Variants in HPS4 observed in about 807,000 individuals in gnomAD.
HPS4 encodes BLOC-3 complex member HPS4.
A neutral mutation model predicts 70.3 loss-of-function variants in HPS4; 44 were observed. The observed-to-expected ratio is 0.63, with a 90% CI of 0.49 to 0.80. The LOEUF (loss-of-function observed/expected upper bound fraction) is 0.80. Ranked by LOEUF, HPS4 falls within the 30% of genes least tolerant of loss-of-function variation. HPS4 has a pLI of 0.00. For synonymous variants in HPS4, 377 were observed against 355.9 expected (o/e 1.06, Z -0.67); for missense variants, 873 against 884.4 (o/e 0.99, Z 0.16).
chr22:26,471,529 T>C lies in HPS4; in HGVS notation c.502-716A>G, dbSNP rs1248358530. 6 of 389,458 alleles carry C rather than the reference T, an allele frequency of 1.5e-5. No homozygotes were observed. The East Asian group carries it at 4.3e-4, about 28-fold the overall frequency. 24.1% of individuals were successfully genotyped at this position (389,458 alleles called of 1,614,324 possible). On this transcript the variant is annotated intron_variant, in intron 6 of 13. Coordinates refer to ENST00000398145, the MANE Select transcript of HPS4 (RefSeq NM_022081.6). ...CTAGTGTTAATGGAGCCTCCGGAGCTGCTGACACATTAAGAAGTTTATTCT... is the reference window on the plus strand; with the variant it reads ...CTAGTGTTAATGGAGCCTCCGGAGCCGCTGACACATTAAGAAGTTTATTCT...
At chr22:26,443,460 T>C (rs146843278), downstream of HPS4, 81 of 435,088 alleles carry the variant, frequency 1.9e-4, no homozygotes, top group East Asian at 3.1e-3. Flanking sequence ...CTTTCTGGCC[T>C]AACAGCGCAT....
Position 26,458,584 on chromosome 22 carries a change from A to G in HPS4, c.1714-7T>C. 6.2e-7 allele frequency: 1 copy of G among 1,613,868 alleles called. No individual in the cohort carries two copies. Among genetic ancestry groups the G allele is most frequent in the Admixed American group, 1.7e-5 (1 of 60,004 alleles). ...AAGCCAGGCTGCTGTGGTACTGCAA[A>G]GGGGGAGAGGGTCATGGGCTTGTAG... On this transcript the variant is annotated splice_region_variant and splice_polypyrimidine_tract_variant and intron_variant, in intron 11 of 13. Coordinates refer to ENST00000398145, the MANE Select transcript of HPS4 (RefSeq NM_022081.6).
chr22:26,453,519 G>A, intron 13 of HPS4, 115 bp from the exon 14 acceptor site: 2 of 1,080,976 alleles, frequency 1.9e-6, no homozygotes, highest in Non-Finnish European at 2.8e-6. Flanking sequence ...AATGTGGCAT[G>A]TGCAGCTGTC....
intron 7 of HPS4, among the ~76,000 whole-genome samples, chr22:26,469,498 T>C (rs2089400897): frequency 1.3e-5 from 2 of 151,628 alleles, no homozygotes; most frequent in South Asian, 2.1e-4. Context: ...TTTTAAATTG[T>C]GCTCTGTGTG....
At chr22:26,482,296 C>T (rs1448582903) in intron 1 of HPS4, 56 bp from the exon 2 acceptor site, 6 of 161,662 alleles carry the variant, frequency 3.7e-5, no homozygotes, top group Non-Finnish European at 2.7e-5. Context: ...GCATGTGACC[C>T]AGCAGGATTA....
chr22:26,445,267 G>C (rs1056828658), intron 3 of HPS4, among the ~76,000 whole-genome samples: 82 of 152,256 alleles, frequency 5.4e-4, no homozygotes, highest in African/African-American at 1.9e-3. Context: ...CTGGGAGGCG[G>C]GGGCTGCAGT....
intron 13 of HPS4, among the ~76,000 whole-genome samples, chr22:26,456,288 T>A (rs962738479): frequency 5.9e-5 from 9 of 152,144 alleles, no homozygotes. Flanking sequence ...GCCCTGCCAC[T>A]TAAGAAGAAT....
chr22:26,463,408 G>T (rs2087724169), intron 11 of HPS4, among the ~76,000 whole-genome samples: 1 of 152,200 alleles, frequency 6.6e-6, no homozygotes, highest in South Asian at 2.1e-4. Context: ...ACCTAGAGCT[G>T]TCCAGGCTAG....
intron 7 of HPS4, 22 bp from the exon 8 acceptor site, chr22:26,468,645 A>C: frequency 6.2e-7 from 1 of 1,608,954 alleles, no homozygotes; most frequent in Non-Finnish European, 8.5e-7. Flanking sequence ...CACACAGAAC[A>C]AGAACACCAT....
intron 5 of HPS4, 121 bp downstream of exon 5, chr22:26,472,711 T>C: frequency 1.2e-6 from 1 of 863,728 alleles, no homozygotes; most frequent in Non-Finnish European, 2.0e-6. Flanking sequence ...CTCCTGACCT[T>C]GTCCCCAGAC....
At chr22:26,456,426 C>G (rs2086148604) in intron 13 of HPS4, among the ~76,000 whole-genome samples, 1 of 152,182 alleles carries the variant, frequency 6.6e-6, no homozygotes, top group African/African-American at 2.4e-5. Flanking sequence ...TTTGGAAGGC[C>G]AAGGTGGGCA....
rs1431357071 is a variant in HPS4 at position 26,457,874 on chromosome 22, T to A, written c.1940A>T (p.Tyr647Phe). ...HSEFAQLPAL[Y>F]EMTVRNASTA... ...GGAGGCTCACCTGACAGTCATTTCA[T>A]AAAGCGCGGGCAGCTGGGCAAATTC... The change falls in exon 13 of 14, where the codon TAT (tyrosine) becomes TTT (phenylalanine). Residue 647 changes from tyrosine to phenylalanine, a missense_variant. Coordinates refer to ENST00000398145, the MANE Select transcript of HPS4 (RefSeq NM_022081.6). The A allele has an allele frequency of 6.2e-7, 1 of 1,614,142 alleles. No homozygotes were observed. The highest frequency in any genetic ancestry group is 1.3e-5 in the African/African-American group (1 of 75,052).
At chr22:26,455,846 C>G (rs1030844058) in intron 13 of HPS4, among the ~76,000 whole-genome samples, 1 of 152,108 alleles carries the variant, frequency 6.6e-6, no homozygotes, top group South Asian at 2.1e-4. Flanking sequence ...CCCCTCTCAG[C>G]TCTAAGGAAG....
At chr22:26,470,648 C>G (rs1601997219) in intron 7 of HPS4, 71 bp downstream of exon 7, 1 of 1,474,026 alleles carries the variant, frequency 6.8e-7, no homozygotes, top group Non-Finnish European at 9.5e-7. Flanking sequence ...CCACTGTGAT[C>G]TGGAGGTGGC....
At chr22:26,453,520 T>C in intron 13 of HPS4, 116 bp from the exon 14 acceptor site, 3 of 1,065,000 alleles carry the variant, frequency 2.8e-6, no homozygotes, top group Non-Finnish European at 4.3e-6. Flanking sequence ...ATGTGGCATG[T>C]GCAGCTGTCA....
At chr22:26,464,896 A>T (rs1197779543) in intron 10 of HPS4, 70 bp from the exon 11 acceptor site, 8 of 1,427,856 alleles carry the variant, frequency 5.6e-6, no homozygotes, top group Non-Finnish European at 4.7e-6. Context: ...TTCCACAGTG[A>T]AGACTAAAGC....
chr22:26,452,951 G>A lies in HPS4; in HGVS notation c.*282C>T, dbSNP rs1307291193. On this transcript the variant is annotated 3_prime_UTR_variant, in exon 14 of 14. Coordinates refer to ENST00000398145, the MANE Select transcript of HPS4 (RefSeq NM_022081.6). ...ACAGCAGGAGATATGAAATACCTCA[G>A]GCTCAGTATGGCAGAGAGGGAGCCA... is the stretch of plus-strand genomic sequence containing the variant. 1 of 434,900 alleles carries A rather than the reference G, an allele frequency of 2.3e-6. No homozygotes were observed. Among genetic ancestry groups the A allele is most frequent in the East Asian group, 4.6e-5 (1 of 21,614 alleles). The allele number at this position is 434,900 out of a possible 1,614,324, so 26.9% of individuals were successfully genotyped here.
chr22:26,472,242 A>G (rs537034714), intron 6 of HPS4, 60 bp downstream of exon 6: 16 of 1,048,318 alleles, frequency 1.5e-5, no homozygotes, highest in African/African-American at 9.4e-5. Context: ...GGAATATTAA[A>G]AAAGTATCCA....
In HPS4 at chr22:26,483,753, T is replaced by C. The variant is rs914153866; in HGVS notation, c.-558A>G. On this transcript the variant is annotated 5_prime_UTR_variant, in exon 1 of 14. Coordinates refer to ENST00000398145, the MANE Select transcript of HPS4 (RefSeq NM_022081.6). Reference sequence around the variant, plus strand: ...GGGCAGCAGCTGGGTACCTGCGACTTCTGCCCCGTACCTGCGCGCGCGGCA... The same window carrying C: ...GGGCAGCAGCTGGGTACCTGCGACTCCTGCCCCGTACCTGCGCGCGCGGCA... 3.7e-6 allele frequency: 2 copies of C among 534,582 alleles called. No homozygotes were observed. Among genetic ancestry groups the C allele is most frequent in the African/African-American group, 4.0e-5 (2 of 49,886 alleles). 33.1% of individuals were successfully genotyped at this position (534,582 alleles called of 1,614,324 possible).
Sources: allele counts gnomAD v4.1 joint callset (sites outside exome capture counted in the v4.1 genomes callset), GRCh38; gene constraint gnomAD v4.1.1; transcripts MANE v1.5; gene names NCBI Gene and HGNC (gene_info 2026-07-23, HGNC 2026-07-21).